Variants in NGLY1 observed in about 807,000 individuals in gnomAD.
NGLY1 encodes peptide-N(4)-(N-acetyl-beta-glucosaminyl)asparagine amidase.
NGLY1 carries 68 observed loss-of-function variants against 84.6 expected under a neutral mutation model. The ratio of observed to expected loss-of-function variants is 0.80; its 90% confidence interval spans 0.66 to 0.98. The LOEUF is 0.98. Ranked by LOEUF, NGLY1 falls within the 50% of genes least tolerant of loss-of-function variation. The probability of loss-of-function intolerance (pLI) is 0.00; values close to 1 mark genes in which losing one functional copy is unlikely to be tolerated. For missense variants in NGLY1, 779 were observed against 770.2 expected (o/e 1.01, Z -0.14); for synonymous variants, 280 against 275.2 (o/e 1.02, Z -0.17).
rs185780617 is a variant in NGLY1, at chr3:25,755,733, A to G, written c.493-4470T>C. On this transcript the variant is annotated intron_variant, in intron 3 of 11. Coordinates refer to ENST00000280700, the MANE Select transcript of NGLY1 (RefSeq NM_018297.4). ...CAAAAGGAAAGCTGGTTTTGAGCCCAATATACTGAACTAGAATATTCTAGA... is the reference window on the plus strand; with the variant it reads ...CAAAAGGAAAGCTGGTTTTGAGCCCGATATACTGAACTAGAATATTCTAGA... 9 of 1,082,814 alleles carry G rather than the reference A, an allele frequency of 8.3e-6. No homozygotes were observed. In the African/African-American group the frequency reaches 1.3e-4, roughly 15 times the overall value. The allele number at this position is 1,082,814 out of a possible 1,614,324, so 67.1% of individuals were successfully genotyped here.
At chr3:25,751,346 G>T in intron 3 of NGLY1, 83 bp from the exon 4 acceptor site, 3 of 1,136,652 alleles carry the variant, frequency 2.6e-6, no homozygotes, top group East Asian at 2.7e-5. Context: ...GTGGTTTTAT[G>T]ATTTTACAGA....
chr3:25,763,970 G>C (rs1707432491), intron 3 of NGLY1, 96 bp downstream of exon 3: 3 of 1,442,428 alleles, frequency 2.1e-6, no homozygotes, highest in Non-Finnish European at 2.8e-6. Flanking sequence ...AAAATATGGG[G>C]CATAAATTCA....
chr3:25,787,776 C>T (rs1036180174), upstream of NGLY1, among the ~76,000 whole-genome samples: 1 of 152,134 alleles, frequency 6.6e-6, no homozygotes, highest in Non-Finnish European at 1.5e-5. Context: ...TGATCTGGGC[C>T]CTGCCTTACT....
chr3:25,721,886 A>T (rs1705013112), intron 10 of NGLY1, among the ~76,000 whole-genome samples: 1 of 151,626 alleles, frequency 6.6e-6, no homozygotes, highest in East Asian at 1.9e-4. Flanking sequence ...ATCTTCATCA[A>T]ATCATAAGCT....
Position 25,735,917 on chromosome 3 carries a change from T to G in NGLY1, c.1149+87A>C, listed in dbSNP as rs796243645. On this transcript the variant is annotated intron_variant, in intron 7 of 11. Transcript: ENST00000280700. ...CAATTTAAATATATGCAGGTTATTG[T>G]ATGTTAATTATACATTCATGAAGCT... The G allele has an allele frequency of 4.4e-6, 5 of 1,143,928 alleles. No individual in the cohort carries two copies. In the African/African-American group the frequency reaches 6.3e-5, roughly 14 times the overall value. The allele number at this position is 1,143,928 out of a possible 1,614,324, so 70.9% of individuals were successfully genotyped here.
At chr3:25,788,377 G>C (rs1432609332), upstream of NGLY1, among the ~76,000 whole-genome samples, 3 of 152,168 alleles carry the variant, frequency 2.0e-5, no homozygotes, top group Admixed American at 6.5e-5. Flanking sequence ...AGGAGGGTAG[G>C]ATAAGCAGAG....
intron 9 of NGLY1, 24 bp downstream of exon 9, chr3:25,732,295 A>G (rs769156478): frequency 1.9e-6 from 3 of 1,608,960 alleles, no homozygotes; most frequent in Non-Finnish European, 2.5e-6. Context: ...TAAAAGGATC[A>G]TCATGCTAGA....
rs567727144 is a variant in NGLY1 at position 25,733,782 on chromosome 3, C to CT, written c.1260+89dup. On this transcript the variant is annotated intron_variant, in intron 8 of 11. Transcript: ENST00000280700. ...TCTTGTTTATAAAACAATGCTACTACTTTAAGAATTTCAATAGGCTAATAA... is the reference window on the plus strand; with the variant it reads ...TCTTGTTTATAAAACAATGCTACTACTTTTAAGAATTTCAATAGGCTAATAA... The CT allele has an allele frequency of 3.4e-4, 225 of 657,878 alleles. No individual in the cohort carries two copies. In the African/African-American group the frequency reaches 3.9e-3, roughly 11 times the overall value. The allele number at this position is 657,878 out of a possible 1,614,324, so 40.8% of individuals were successfully genotyped here.
chr3:25,743,591 T>TC (rs1559540148), intron 4 of NGLY1, among the ~76,000 whole-genome samples: 4 of 151,712 alleles, frequency 2.6e-5, no homozygotes, highest in Non-Finnish European at 4.4e-5. Flanking sequence ...TGTGTCTCTT[T>TC]CCATAATGGT....
At chr3:25,719,705 GT>G in intron 11 of NGLY1, 70 bp from the exon 12 acceptor site, 1 of 1,270,978 alleles carries the variant, frequency 7.9e-7, no homozygotes, top group South Asian at 1.4e-5. Flanking sequence ...ATTTTGAAAT[GT>G]ATTTTATATA....
At position 25,772,817 on chromosome 3, in the gene NGLY1, T is replaced by G. The variant is rs147843461; in HGVS notation, c.246+5757A>C. Among the ~76,000 whole-genome samples, 645 of 152,364 alleles carry G rather than the reference T, an allele frequency of 4.2e-3. 6 individuals are homozygous for G. Among genetic ancestry groups the G allele is most frequent in the African/African-American group, 0.015 (620 of 41,586 alleles). ...AGCTCCTTTTTAGCAGTTCTTGTAG[T>G]GCTAGCTTGGTAGTGGCAAATTCTC... On this transcript the variant is annotated intron_variant, in intron 2 of 11. Coordinates refer to ENST00000280700, the MANE Select transcript of NGLY1 (RefSeq NM_018297.4).
At chr3:25,736,514 GC>G in intron 6 of NGLY1, 2 of 726,818 alleles carry the variant, frequency 2.8e-6, no homozygotes, top group South Asian at 2.0e-5. Context: ...GGACTTTAAG[GC>G]CCAGAACCAG....
At chr3:25,746,871 C>T (rs1706462757) in intron 4 of NGLY1, among the ~76,000 whole-genome samples, 1 of 152,094 alleles carries the variant, frequency 6.6e-6, no homozygotes, top group African/African-American at 2.4e-5. Context: ...GCTCTTTTGC[C>T]CAGGCTGCAG....
chr3:25,754,955 A>C lies in NGLY1; in HGVS notation c.493-3692T>G, dbSNP rs577845771. The C allele has an allele frequency of 6.7e-6, 5 of 741,860 alleles. No individual in the cohort carries two copies. The East Asian group carries it at 9.8e-5, about 14-fold the overall frequency. 46.0% of individuals were successfully genotyped at this position (741,860 alleles called of 1,614,324 possible). On this transcript the variant is annotated intron_variant, in intron 3 of 11. Transcript: ENST00000280700. ...ATTGGGCAAGATGGCACTTCCCAAGAACGCTCCTAGGGATGCCTTGGTGAT... is the reference window on the plus strand; with the variant it reads ...ATTGGGCAAGATGGCACTTCCCAAGCACGCTCCTAGGGATGCCTTGGTGAT...
Position 25,733,872 on chromosome 3 carries a change from C to G in NGLY1, c.1260G>C (p.Gln420His), listed in dbSNP as rs142173456. Reference sequence around the variant, plus strand: ...TTCAAAAAAGATAGCCACACCATACCTGCTTATTAAGCCCATTAATAGTGT... The same window carrying G: ...TTCAAAAAAGATAGCCACACCATACGTGCTTATTAAGCCCATTAATAGTGT... ...LRDTINGLNK[Q>H]RQLFLSENRR... Residue 420 changes from glutamine to histidine, a missense_variant and splice_region_variant, in exon 8 of 12, where the codon CAG (glutamine) becomes CAC (histidine). Transcript: ENST00000280700. The G allele has an allele frequency of 1.9e-6, 3 of 1,608,348 alleles. No homozygotes were observed. The highest frequency in any genetic ancestry group is 2.6e-6 in the Non-Finnish European group (3 of 1,176,380).
At chr3:25,726,992 C>T (rs558482775) in intron 10 of NGLY1, among the ~76,000 whole-genome samples, 2 of 152,226 alleles carry the variant, frequency 1.3e-5, no homozygotes, top group East Asian at 3.9e-4. Flanking sequence ...TGAAAGCAGG[C>T]TGCATGTGAT....
chr3:25,755,316 T>C (rs964217671), intron 3 of NGLY1: 8 of 1,371,600 alleles, frequency 5.8e-6, no homozygotes, highest in Non-Finnish European at 8.3e-6. Context: ...CTGAAGTCCT[T>C]AATTAAAAAG....
intron 4 of NGLY1, among the ~76,000 whole-genome samples, chr3:25,742,338 A>G (rs888106702): frequency 6.6e-6 from 1 of 152,234 alleles, no homozygotes; most frequent in Non-Finnish European, 1.5e-5. Flanking sequence ...AGGGAATTGT[A>G]TAAATAATAG....
At chr3:25,724,606 C>T (rs1051882319) in intron 10 of NGLY1, among the ~76,000 whole-genome samples, 1 of 152,168 alleles carries the variant, frequency 6.6e-6, no homozygotes, top group Non-Finnish European at 1.5e-5. Context: ...ATCAAAGTCT[C>T]TGGGACCTGA....
Sources: allele counts gnomAD v4.1 joint callset (sites outside exome capture counted in the v4.1 genomes callset), GRCh38; gene constraint gnomAD v4.1.1; transcripts MANE v1.5; gene names NCBI Gene and HGNC (gene_info 2026-07-23, HGNC 2026-07-21).